The following PALB2 variants were observed in gnomAD, a reference collection of about 807,000 sequenced individuals.
The protein encoded by PALB2 is mutant partner and localizer of BRCA2.
Under a neutral mutation model 107.4 loss-of-function variants are expected in PALB2, and 82 were observed. The observed-to-expected ratio is 0.76, with a 90% CI of 0.64 to 0.92. PALB2 has a LOEUF of 0.92. PALB2 is among the 40% of genes least tolerant of loss of function. The pLI is 0.00. For missense variants in PALB2, 1,374 were observed against 1,379.9 expected, an observed-to-expected ratio of 1.00 and a Z score of 0.07; for synonymous variants, 489 against 496.8, an observed-to-expected ratio of 0.98 and a Z score of 0.21.
Position 23,636,246 on chromosome 16 carries a change from A to G in PALB2, c.300T>C (p.Leu100=), listed in dbSNP as rs1169777505. 1 of 1,613,842 alleles carries G rather than the reference A, an allele frequency of 6.2e-7. No homozygotes were observed. The highest frequency in any genetic ancestry group is 2.2e-5 in the East Asian group (1 of 44,876). ...EETGEKTSIT[L]DVGPESFNPG... is the part of the protein sequence containing the mutation. Reference sequence around the variant, plus strand: ...GGTTAAAGGACTCAGGCCCAACATCAAGTGTGATAGATGTCTTTTCTCCAG... The same window carrying G: ...GGTTAAAGGACTCAGGCCCAACATCGAGTGTGATAGATGTCTTTTCTCCAG... The change falls in exon 4 of 13, where the codon CTT becomes CTC. Residue 100 remains leucine, a synonymous_variant. Coordinates refer to ENST00000261584, the MANE Select transcript of PALB2 (RefSeq NM_024675.4).
chr16:23,634,759 G>A (rs569914240), intron 4 of PALB2, 103 bp downstream of exon 4: 309 of 1,478,026 alleles, frequency 2.1e-4, no homozygotes, highest in Non-Finnish European at 2.7e-4. Context: ...ACCACACTTG[G>A]CCCTGTCACT....
rs876659643 is a variant in PALB2 at position 23,641,129 on chromosome 16, C to A, written c.29G>T (p.Ser10Ile). The A allele has an allele frequency of 1.9e-6, 3 of 1,613,562 alleles. No homozygotes were observed. Among genetic ancestry groups the A allele is most frequent in the Non-Finnish European group, 2.5e-6 (3 of 1,179,884 alleles). Residue 10 changes from serine (S) to isoleucine (I), a missense_variant, in exon 1 of 13, where the codon AGC becomes ATC. Ser to Ile is a moderately radical substitution (Grantham distance 142). Coordinates refer to ENST00000261584, the MANE Select transcript of PALB2 (RefSeq NM_024675.4). ...CGGCACCTTTTCCTTCTCCTCACAG[C>A]TGAGGGGCTTCCCGGGAGGCTCGTC... MDEPPGKPL[S>I]CEEKEKLKEK...
At chr16:23,624,800 C>G (rs1966838528) in intron 7 of PALB2, among the ~76,000 whole-genome samples, 1 of 152,170 alleles carries the variant, frequency 6.6e-6, no homozygotes, top group Non-Finnish European at 1.5e-5. Flanking sequence ...CGTGAGCCAC[C>G]TCGCCTGGCC....
rs201931763 is a variant in PALB2, at chr16:23,611,078, G to GTCTATCTATCTA, written c.3201+2914_3201+2925dup. Among the ~76,000 whole-genome samples the GTCTATCTATCTA allele has an allele frequency of 3.2e-3, 469 of 148,200 alleles. 1 individual carries two copies. The highest frequency in any genetic ancestry group is 6.9e-3 in the Middle Eastern group (2 of 288). Reference sequence around the variant, plus strand: ...ATTCTAGAGATGAATTCAACTGTCAGTCTATCTATCTATCTATCTATCTAT... The same window carrying GTCTATCTATCTA: ...ATTCTAGAGATGAATTCAACTGTCAGTCTATCTATCTATCTATCTATCTATCTATCTATCTAT... On this transcript the variant is annotated intron_variant, in intron 11 of 12. Transcript: ENST00000261584.
At chr16:23,640,208 A>G (rs1967186587) in intron 1 of PALB2, 1 of 178,796 alleles carries the variant, frequency 5.6e-6, no homozygotes, top group African/African-American at 2.4e-5. Flanking sequence ...AATCTTATCA[A>G]TGTCTGGGGA....
intron 7 of PALB2, 49 bp downstream of exon 7, chr16:23,626,187 T>C (rs2142352374): frequency 6.2e-7 from 1 of 1,611,274 alleles, no homozygotes; most frequent in Non-Finnish European, 8.5e-7. Flanking sequence ...ATCTACATTA[T>C]CAGGCAAATG....
rs876659597 is a variant in PALB2, at chr16:23,630,410, A to G, written c.1744T>C (p.Ser582Pro). The change falls in exon 5 of 13, where the codon TCC becomes CCC. Residue 582 changes from serine (S) to proline (P), a missense_variant. Coordinates refer to ENST00000261584, the MANE Select transcript of PALB2 (RefSeq NM_024675.4). The stretch of plus-strand genomic sequence containing the variant: ...GCCGTGAAAGCATCATCATCCAAGG[A>G]TAAATAAGCACTATTACTCCAAGAA... ...SLSWSNSAYLSLDDDAFTAPF... is the reference protein window; with the variant it reads ...SLSWSNSAYLPLDDDAFTAPF... The G allele has an allele frequency of 1.2e-6, 2 of 1,614,012 alleles. No individual in the cohort carries two copies. The highest frequency in any genetic ancestry group is 2.7e-5 in the African/African-American group (2 of 74,944).
chr16:23,640,610 A>G (rs931307856), intron 1 of PALB2: 1 of 233,964 alleles, frequency 4.3e-6, no homozygotes, highest in African/African-American at 2.2e-5. Flanking sequence ...GTAGATAAAC[A>G]TGTCCTGACA....
chr16:23,610,844 T>C (rs1240230632), intron 11 of PALB2, among the ~76,000 whole-genome samples: 2 of 151,566 alleles, frequency 1.3e-5, no homozygotes. Context: ...AAGACCAGCC[T>C]GGCCAACTTG....
chr16:23,610,545 G>A (rs910156536), intron 11 of PALB2, among the ~76,000 whole-genome samples: 2 of 151,270 alleles, frequency 1.3e-5, no homozygotes, highest in East Asian at 3.9e-4. Flanking sequence ...CTGACCTCGT[G>A]ATCTGCCCGC....
At chr16:23,638,485 G>A in intron 1 of PALB2, 1 of 463,304 alleles carries the variant, frequency 2.2e-6, no homozygotes, top group Non-Finnish European at 4.2e-6. Flanking sequence ...TATGTTCTCT[G>A]TTTCTCCCCA....
chr16:23,625,724 G>C (rs1035396481), intron 7 of PALB2, among the ~76,000 whole-genome samples: 16 of 152,230 alleles, frequency 1.1e-4, no homozygotes, highest in South Asian at 4.2e-4. Flanking sequence ...TTGAACCTGG[G>C]CGGCAGAGGT....
chr16:23,612,149 C>T (rs902523863), intron 11 of PALB2, among the ~76,000 whole-genome samples: 5 of 152,214 alleles, frequency 3.3e-5, no homozygotes, highest in African/African-American at 1.2e-4. Flanking sequence ...ACAGTGAATA[C>T]TCAAGTAGTT....
At chr16:23,631,294 A>T (rs1371494824) in intron 4 of PALB2, among the ~76,000 whole-genome samples, 1 of 146,092 alleles carries the variant, frequency 6.8e-6, no homozygotes. Flanking sequence ...AAAAAAAAAA[A>T]AAAAAAAAAA....
At chr16:23,619,769 T>C (rs1966741198) in intron 10 of PALB2, among the ~76,000 whole-genome samples, 1 of 151,996 alleles carries the variant, frequency 6.6e-6, no homozygotes, top group South Asian at 2.1e-4. Context: ...ACAATTCTAT[T>C]GACTTTTAAA....
chr16:23,629,899 C>A lies in PALB2; in HGVS notation c.2255G>T (p.Gly752Val), dbSNP rs2142377194. Residue 752 changes from glycine to valine, a missense_variant, in exon 5 of 13, where the codon GGA becomes GTA. Gly to Val is a moderately radical substitution (Grantham distance 109). Transcript: ENST00000261584. Reference sequence around the variant, plus strand: ...AAGTTGGGGTGTGCAGCAAGTTCGTCCAGCAACTTCTGTAGATGCTTTTTC... The same window carrying A: ...AAGTTGGGGTGTGCAGCAAGTTCGTACAGCAACTTCTGTAGATGCTTTTTC... ...SYEKASTEVA[G>V]RTCCTPQLAH... 1 of 1,614,172 alleles carries A rather than the reference C, an allele frequency of 6.2e-7. No homozygotes were observed. Among genetic ancestry groups the A allele is most frequent in the Non-Finnish European group, 8.5e-7 (1 of 1,180,048 alleles).
In PALB2 at chr16:23,607,932, C is replaced by T. The variant is rs747861082; in HGVS notation, c.3282G>A (p.Val1094=). 32 of 1,614,018 alleles carry T rather than the reference C, an allele frequency of 2.0e-5. No homozygotes were observed. Among genetic ancestry groups the T allele is most frequent in the Non-Finnish European group, 2.5e-5 (30 of 1,180,028 alleles). The change falls in exon 12 of 13, where the codon GTG becomes GTA. Residue 1094 remains valine (V), a synonymous_variant. Transcript: ENST00000261584. Reference sequence around the variant, plus strand: ...CGCTGAGAGTCGTCTTAGGGTTAATCACAATGAGCTGAAACACAGGGCTTC... The same window carrying T: ...CGCTGAGAGTCGTCTTAGGGTTAATTACAATGAGCTGAAACACAGGGCTTC... ...SLRSPVFQLI[V]INPKTTLSVG...
At chr16:23,640,828 G>C (rs1261930223) in intron 1 of PALB2, 4 of 396,326 alleles carry the variant, frequency 1.0e-5, no homozygotes, top group Non-Finnish European at 1.8e-5. Context: ...GATTGAGGGT[G>C]TGGGAGGGGG....
intron 4 of PALB2, among the ~76,000 whole-genome samples, chr16:23,634,631 C>T (rs555277517): frequency 1.4e-5 from 2 of 146,214 alleles, no homozygotes; most frequent in South Asian, 4.4e-4. Context: ...GAGCCCCTGT[C>T]TCTTTATTTT....
Sources: allele counts gnomAD v4.1 joint callset (sites outside exome capture counted in the v4.1 genomes callset), GRCh38; gene constraint gnomAD v4.1.1; transcripts MANE v1.5; gene names NCBI Gene and HGNC (gene_info 2026-07-23, HGNC 2026-07-21).